SLC16A12: variants seen among roughly 807,000 people sequenced by gnomAD.
SLC16A12 encodes monocarboxylate transporter 12.
Under a neutral mutation model 42.4 loss-of-function variants are expected in SLC16A12, and 17 were observed. That is an observed-to-expected ratio of 0.40 (90% CI 0.27 to 0.60). The LOEUF is 0.60. Among genes scored for constraint, SLC16A12 ranks in the 20% least tolerant of loss-of-function variants. The pLI, the probability that SLC16A12 is intolerant of heterozygous loss-of-function variation, is 0.42. For synonymous variants in SLC16A12, 224 were observed against 229.4 expected, an observed-to-expected ratio of 0.98 and a Z score of 0.21; for missense variants, 544 against 623.0, an observed-to-expected ratio of 0.87 and a Z score of 1.35.
intron 2 of SLC16A12, among the ~76,000 whole-genome samples, chr10:89,542,927 T>C (rs1843723589): frequency 6.6e-6 from 1 of 152,218 alleles, no homozygotes; most frequent in African/African-American, 2.4e-5. Flanking sequence ...TACATCCTCA[T>C]TCTTGTTCTG....
Position 89,433,030 on chromosome 10 carries a change from C to A in SLC16A12, c.*34G>T. 1.2e-6 allele frequency: 2 copies of A among 1,613,204 alleles called. No individual in the cohort carries two copies. Among genetic ancestry groups the A allele is most frequent in the South Asian group, 2.2e-5 (2 of 90,754 alleles). On this transcript the variant is annotated 3_prime_UTR_variant, in exon 8 of 8. Transcript: ENST00000371790. ...AAGAATCTGGTGGCCCCACCTCTCTCAAACCTGAAGATTCTGGGGCTCAAG... is the reference window on the plus strand; with the variant it reads ...AAGAATCTGGTGGCCCCACCTCTCTAAAACCTGAAGATTCTGGGGCTCAAG...
At chr10:89,550,163 T>C (rs187624486) in intron 2 of SLC16A12, among the ~76,000 whole-genome samples, 18 of 152,288 alleles carry the variant, frequency 1.2e-4, no homozygotes, top group Admixed American at 1.2e-3. Context: ...GTCTCCTAAC[T>C]GATCTCCTTC....
intron 3 of SLC16A12, among the ~76,000 whole-genome samples, chr10:89,445,149 G>T (rs570959844): frequency 5.3e-4 from 80 of 152,350 alleles, no homozygotes; most frequent in Admixed American, 1.4e-3. Context: ...ACCTCTGGGG[G>T]AGGGCATAGC....
intron 2 of SLC16A12, among the ~76,000 whole-genome samples, chr10:89,486,616 AAAGAAAG>A: frequency 1.1e-5 from 1 of 95,080 alleles, no homozygotes; most frequent in South Asian, 3.2e-4. Flanking sequence ...AGAAAGAAAG[AAAGAAAG>A]AAAGAAAGAA....
intron 2 of SLC16A12, among the ~76,000 whole-genome samples, chr10:89,531,039 G>A (rs17093711): frequency 0.019 from 2,863 of 152,032 alleles, 89 homozygotes; most frequent in African/African-American, 0.066. Context: ...TCCATATAGC[G>A]ATCAACTTAG....
chr10:89,515,369 CCA>C (rs1376222184), intron 2 of SLC16A12, among the ~76,000 whole-genome samples: 2 of 152,174 alleles, frequency 1.3e-5, no homozygotes, highest in Non-Finnish European at 2.9e-5. Context: ...GGAATCCATG[CCA>C]CAGACATTCA....
chr10:89,443,645 T>C, intron 4 of SLC16A12, 111 bp downstream of exon 4: 1 of 816,848 alleles, frequency 1.2e-6, no homozygotes, highest in Non-Finnish European at 2.1e-6. Flanking sequence ...AGCCAGTTTT[T>C]AATGTAGCCC....
intron 2 of SLC16A12, among the ~76,000 whole-genome samples, chr10:89,468,974 A>G (rs1842451081): frequency 6.6e-6 from 1 of 152,196 alleles, no homozygotes; most frequent in Non-Finnish European, 1.5e-5. Context: ...TATAAAAAAT[A>G]CAAAAATTAG....
chr10:89,541,217 C>G (rs564166945), intron 2 of SLC16A12, among the ~76,000 whole-genome samples: 5 of 152,180 alleles, frequency 3.3e-5, no homozygotes, highest in Non-Finnish European at 5.9e-5. Context: ...TGAGCCACCA[C>G]GCCTGGCTGC....
intron 2 of SLC16A12, among the ~76,000 whole-genome samples, chr10:89,545,075 A>G (rs1843735308): frequency 1.3e-5 from 2 of 152,126 alleles, no homozygotes; most frequent in African/African-American, 4.8e-5. Context: ...ACAAGCCTCA[A>G]ATGGCCTGCT....
At chr10:89,447,839 C>T (rs1842028883) in intron 3 of SLC16A12, among the ~76,000 whole-genome samples, 2 of 151,808 alleles carry the variant, frequency 1.3e-5, no homozygotes, top group South Asian at 4.2e-4. Context: ...TTGAAAAGAT[C>T]AACAAATAGA....
intron 7 of SLC16A12, among the ~76,000 whole-genome samples, chr10:89,435,092 A>G (rs937719352): frequency 1.3e-5 from 2 of 152,362 alleles, no homozygotes; most frequent in Non-Finnish European, 2.9e-5. Context: ...TTGTTTAATC[A>G]TGCTTCACTC....
At chr10:89,522,749 T>C (rs1843376944) in intron 2 of SLC16A12, among the ~76,000 whole-genome samples, 1 of 152,200 alleles carries the variant, frequency 6.6e-6, no homozygotes, top group Non-Finnish European at 1.5e-5. Context: ...ACAAGTGACT[T>C]AACCTCTCTG....
At chr10:89,535,971 C>A (rs990296403), upstream of SLC16A12, among the ~76,000 whole-genome samples, 1 of 152,224 alleles carries the variant, frequency 6.6e-6, no homozygotes, top group South Asian at 2.1e-4. Flanking sequence ...TCTGCCTGGC[C>A]GGCAAAGAGG....
chr10:89,462,381 T>C lies in SLC16A12; in HGVS notation c.198A>G (p.Thr66=). The C allele has an allele frequency of 6.2e-7, 1 of 1,614,048 alleles. No individual in the cohort carries two copies. The highest frequency in any genetic ancestry group is 1.1e-5 in the South Asian group (1 of 91,080). Reference sequence around the variant, plus strand: ...GTTAAGAAGAAAATCCTACCTACCTTGTGACTGCCCGTGTGCAGATGGTAA... The same window carrying C: ...GTTAAGAAGAAAATCCTACCTACCTCGTGACTGCCCGTGTGCAGATGGTAA... ...FLVTICTRAV[T]RCISIFFVEF... is the part of the protein sequence containing the mutation. The change falls in exon 3 of 8, where the codon ACA becomes ACG. Residue 66 remains threonine (T), a splice_region_variant and synonymous_variant. Coordinates refer to ENST00000371790, the MANE Select transcript of SLC16A12 (RefSeq NM_213606.4).
chr10:89,507,758 G>C (rs1016735592), intron 2 of SLC16A12, among the ~76,000 whole-genome samples: 5 of 152,050 alleles, frequency 3.3e-5, no homozygotes, highest in African/African-American at 1.2e-4. Flanking sequence ...TGGGCTAAAT[G>C]CCCCCAATTA....
intron 2 of SLC16A12, among the ~76,000 whole-genome samples, chr10:89,552,849 C>T (rs1006121726): frequency 6.6e-6 from 1 of 152,124 alleles, no homozygotes; most frequent in Non-Finnish European, 1.5e-5. Context: ...GAATTAGCCA[C>T]GTGTAATGAA....
chr10:89,511,697 G>A (rs1295013486), intron 2 of SLC16A12, among the ~76,000 whole-genome samples: 2 of 152,066 alleles, frequency 1.3e-5, no homozygotes, highest in African/African-American at 4.8e-5. Context: ...AAACCTGCAT[G>A]ATGTGCACAT....
chr10:89,452,326 A>G (rs1234376664), intron 3 of SLC16A12, among the ~76,000 whole-genome samples: 1 of 152,224 alleles, frequency 6.6e-6, no homozygotes, highest in Non-Finnish European at 1.5e-5. Flanking sequence ...TATGAGCTAT[A>G]AAATAAGAGT....
Sources: allele counts gnomAD v4.1 joint callset (sites outside exome capture counted in the v4.1 genomes callset), GRCh38; gene constraint gnomAD v4.1.1; transcripts MANE v1.5; gene names NCBI Gene and HGNC (gene_info 2026-07-23, HGNC 2026-07-21).